The following RAB43 variants were observed in gnomAD, a reference collection of about 807,000 sequenced individuals.
RAB43 encodes RAB43, member RAS oncogene family.
RAB43 carries 6 observed loss-of-function variants against 18.8 expected under a neutral mutation model. The observed-to-expected ratio is 0.32, with a 90% CI of 0.17 to 0.63. RAB43 has a LOEUF of 0.63. RAB43 is among the 30% of genes least tolerant of loss of function. The probability of loss-of-function intolerance (pLI) is 0.79; values close to 1 mark genes in which losing one functional copy is unlikely to be tolerated. For synonymous variants in RAB43, 103 were observed against 124.1 expected, an observed-to-expected ratio of 0.83 and a Z score of 1.13; for missense variants, 195 against 289.1, an observed-to-expected ratio of 0.67 and a Z score of 2.36.
At chr3:129,102,895 GA>G (rs1934518595) in intron 1 of RAB43, among the ~76,000 whole-genome samples, 1 of 152,054 alleles carries the variant, frequency 6.6e-6, no homozygotes, top group African/African-American at 2.4e-5. Flanking sequence ...CGTTACTTTT[GA>G]AACAGGCAGG....
chr3:129,121,280 T>TCC lies in RAB43; in HGVS notation c.204+4_204+5dup. On this transcript the variant is annotated splice_donor_region_variant and intron_variant, in intron 1 of 2. Transcript: ENST00000315150. ...CGCCTTCCAGGGGCCCTGGCCGGCC[T>TCC]CCCACCTTGACCCGCTTGCCCTGGA... 2 of 1,597,454 alleles carry TCC rather than the reference T, an allele frequency of 1.3e-6. No homozygotes were observed. The highest frequency in any genetic ancestry group is 1.7e-4 in the Middle Eastern group (1 of 5,850).
intron 1 of RAB43, among the ~76,000 whole-genome samples, chr3:129,118,417 T>G (rs2107585220): frequency 6.6e-6 from 1 of 152,336 alleles, no homozygotes; most frequent in South Asian, 2.1e-4. Flanking sequence ...AATTTCAACC[T>G]ACAACTAGAT....
intron 1 of RAB43, among the ~76,000 whole-genome samples, chr3:129,115,860 A>ATAATGCAT (rs1477158334): frequency 6.6e-6 from 1 of 152,180 alleles, no homozygotes; most frequent in African/African-American, 2.4e-5. Flanking sequence ...GATTCTAGAA[A>ATAATGCAT]TAATGCATAA....
intron 1 of RAB43, among the ~76,000 whole-genome samples, chr3:129,102,649 C>G (rs1934501481): frequency 4.4e-5 from 2 of 45,528 alleles, no homozygotes. Flanking sequence ...AAAAATCACT[C>G]AGGTCACTGG....
chr3:129,091,953 C>T (rs1933690218), intron 2 of RAB43, among the ~76,000 whole-genome samples: 2 of 151,798 alleles, frequency 1.3e-5, no homozygotes, highest in South Asian at 4.2e-4. Flanking sequence ...GGCCTGTAAT[C>T]CCAGCTACTC....
At chr3:129,110,377 T>G (rs1935080239) in intron 1 of RAB43, among the ~76,000 whole-genome samples, 1 of 152,166 alleles carries the variant, frequency 6.6e-6, no homozygotes, top group Non-Finnish European at 1.5e-5. Flanking sequence ...AAAGGTAAAG[T>G]ACACTGTGCC....
intron 1 of RAB43, among the ~76,000 whole-genome samples, chr3:129,116,492 T>G (rs1206671779): frequency 6.6e-6 from 1 of 152,242 alleles, no homozygotes; most frequent in Non-Finnish European, 1.5e-5. Flanking sequence ...AAAGAACAGA[T>G]GAGCAGAACT....
intron 1 of RAB43, among the ~76,000 whole-genome samples, chr3:129,118,895 T>C (rs1219135612): frequency 6.6e-6 from 1 of 152,186 alleles, no homozygotes; most frequent in Non-Finnish European, 1.5e-5. Flanking sequence ...CAATAAGCTC[T>C]GGTTCATCAA....
intron 1 of RAB43, among the ~76,000 whole-genome samples, chr3:129,113,397 C>A (rs1343781319): frequency 6.6e-6 from 1 of 151,978 alleles, no homozygotes; most frequent in Non-Finnish European, 1.5e-5. Flanking sequence ...AACTCTTGAC[C>A]ACATGATCGG....
At chr3:129,101,871 A>G (rs1197893331) in intron 1 of RAB43, among the ~76,000 whole-genome samples, 1 of 152,166 alleles carries the variant, frequency 6.6e-6, no homozygotes, top group East Asian at 1.9e-4. Flanking sequence ...TCCCACTCAC[A>G]TATCTTATCA....
At position 129,094,505 on chromosome 3, in the gene RAB43, C is replaced by CTTTTTTTT. The variant is rs200896936; in HGVS notation, c.388+473_388+480dup. ...TAATTCCAATTTTGAATATAACTTT[C>CTTTTTTTT]TTTTTTTTTTTTTTTTTTTTTTTTT... On this transcript the variant is annotated intron_variant, in intron 2 of 2. Transcript: ENST00000315150. Among the ~76,000 whole-genome samples the CTTTTTTTT allele has an allele frequency of 6.6e-3, 455 of 69,156 alleles. 84 individuals are homozygous for CTTTTTTTT. The highest frequency in any genetic ancestry group is 9.4e-3 in the Non-Finnish European group (362 of 38,602). The allele number at this position is 69,156 out of a possible 152,430, so 45.4% of individuals were successfully genotyped here.
At chr3:129,120,352 C>G (rs1237446449) in intron 1 of RAB43, among the ~76,000 whole-genome samples, 1 of 152,206 alleles carries the variant, frequency 6.6e-6, no homozygotes, top group African/African-American at 2.4e-5. Context: ...TCCCATCTCC[C>G]TGGCAGAGAT....
intron 1 of RAB43, among the ~76,000 whole-genome samples, chr3:129,111,167 A>G (rs978910992): frequency 1.3e-5 from 2 of 151,894 alleles, no homozygotes; most frequent in Non-Finnish European, 2.9e-5. Flanking sequence ...TAAAATGTGG[A>G]GGGTGCCCTC....
In RAB43 at chr3:129,091,234, GCTCGAGTC is replaced by G. The variant is rs1357575422; in HGVS notation, c.493_500del (p.Asp165GlnfsTer85). ...CCCTCAGGAAGGCCTCCTCCACGTT[GCTCGAGTC>G]CTTGGCAGACGTCTCAATGGCACAC... On this transcript the variant is annotated frameshift_variant, in exon 3 of 3. Coordinates refer to ENST00000315150, the MANE Select transcript of RAB43 (RefSeq NM_198490.3). LOFTEE classifies it high-confidence loss of function. 32 of 1,594,264 alleles carry G rather than the reference GCTCGAGTC, an allele frequency of 2.0e-5. 1 individual carries two copies. Among genetic ancestry groups the G allele is most frequent in the Non-Finnish European group, 8.6e-7 (1 of 1,168,856 alleles).
intron 2 of RAB43, 84 bp from the exon 3 acceptor site, chr3:129,091,430 A>C (rs1478823961): frequency 1.4e-6 from 2 of 1,475,606 alleles, no homozygotes; most frequent in Non-Finnish European, 1.8e-6. Context: ...TGACAGCCCC[A>C]TGCCACTCCC....
chr3:129,104,803 T>C (rs1934650674), intron 1 of RAB43, among the ~76,000 whole-genome samples: 1 of 152,364 alleles, frequency 6.6e-6, no homozygotes, highest in Admixed American at 6.5e-5. Context: ...GGCAGTGCTG[T>C]TCTCGCCGTT....
rs543323166 is a variant in RAB43, at chr3:129,092,824, C to T, written c.389-1478G>A. On this transcript the variant is annotated intron_variant, in intron 2 of 2. Coordinates refer to ENST00000315150, the MANE Select transcript of RAB43 (RefSeq NM_198490.3). ...ACAAAAAATTAGCCAGGCATGGTGG[C>T]GGGCGCCTGTGGTCCCAGCTACTCG... 6.8e-3 allele frequency among the ~76,000 whole-genome samples: 1,024 copies of T among 151,402 alleles called. 5 individuals are homozygous for T. The highest frequency in any genetic ancestry group is 0.011 in the Non-Finnish European group (751 of 67,790).
At chr3:129,093,271 G>C (rs1353868426) in intron 2 of RAB43, among the ~76,000 whole-genome samples, 1 of 152,062 alleles carries the variant, frequency 6.6e-6, no homozygotes, top group African/African-American at 2.4e-5. Flanking sequence ...TTACAGGTGT[G>C]AGCCACCATG....
intron 1 of RAB43, among the ~76,000 whole-genome samples, chr3:129,096,865 T>C (rs1446297821): frequency 1.3e-5 from 2 of 151,922 alleles, no homozygotes; most frequent in African/African-American, 2.4e-5. Flanking sequence ...GTAATTCCAG[T>C]ACTTTGGGAG....
Sources: allele counts gnomAD v4.1 joint callset (sites outside exome capture counted in the v4.1 genomes callset), GRCh38; gene constraint gnomAD v4.1.1; transcripts MANE v1.5; gene names NCBI Gene and HGNC (gene_info 2026-07-23, HGNC 2026-07-21).